CLECL1: variants seen among roughly 807,000 people sequenced by gnomAD.
CLECL1 encodes C-type lectin-like domain family 1.
upstream of CLECL1, chr12:9,733,247 G>T: frequency 6.2e-7 from 1 of 1,608,220 alleles, no homozygotes; most frequent in Non-Finnish European, 8.5e-7. Flanking sequence ...GTATGACATG[G>T]AAGAAATTAC....
chr12:9,712,081 C>G (rs959376148), downstream of CLECL1, among the ~76,000 whole-genome samples: 38 of 152,010 alleles, frequency 2.5e-4, no homozygotes, highest in Non-Finnish European at 1.6e-4. Flanking sequence ...AGTTTAAGAC[C>G]AGCTTGGGCA....
At chr12:9,707,305 G>A in the CLECL1 span, among the ~76,000 whole-genome samples, 1 of 152,054 alleles carries the variant, frequency 6.6e-6, no homozygotes. Flanking sequence ...AATTATGAAG[G>A]ATAAAGATTA....
exon 3 of CLECL1, chr12:9,716,051 T>A (rs2121036695): frequency 6.6e-6 from 1 of 152,420 alleles, no homozygotes; most frequent in Non-Finnish European, 1.5e-5. Flanking sequence ...TCATCCATCA[T>A]GTGTTCTTAG....
the CLECL1 span, among the ~76,000 whole-genome samples, chr12:9,703,069 C>T: frequency 1.3e-5 from 2 of 152,186 alleles, no homozygotes; most frequent in Non-Finnish European, 2.9e-5. Context: ...ACTACCTGAC[C>T]ATCATTCATT....
At chr12:9,704,387 G>A in the CLECL1 span, among the ~76,000 whole-genome samples, 1 of 152,142 alleles carries the variant, frequency 6.6e-6, no homozygotes. Context: ...GAGGAATAGG[G>A]ATTAAGTTAT....
chr12:9,732,452 CATTA>C (rs1481830252), intron 1 of CLECL1, among the ~76,000 whole-genome samples: 2 of 152,190 alleles, frequency 1.3e-5, no homozygotes, highest in African/African-American at 4.8e-5. Context: ...ATTACCTAGT[CATTA>C]ATTCTAGACT....
the CLECL1 span, among the ~76,000 whole-genome samples, chr12:9,707,574 T>G: frequency 6.6e-6 from 1 of 152,326 alleles, no homozygotes; most frequent in African/African-American, 2.4e-5. Context: ...AGCCTGCCTG[T>G]CTGTGTATGC....
downstream of CLECL1, among the ~76,000 whole-genome samples, chr12:9,712,391 C>T (rs1866206171): frequency 6.6e-6 from 1 of 152,204 alleles, no homozygotes; most frequent in African/African-American, 2.4e-5. Context: ...GATGAGGCTC[C>T]CATGTACTCC....
At chr12:9,732,806 T>C (rs1171651877) in intron 1 of CLECL1, 143 bp downstream of exon 1, 2 of 613,442 alleles carry the variant, frequency 3.3e-6, no homozygotes, top group Non-Finnish European at 5.3e-6. Context: ...ATTAAAAACA[T>C]TCGCTCTTAT....
chr12:9,728,154 A>G (rs115752892), intron 2 of CLECL1, among the ~76,000 whole-genome samples: 2 of 151,974 alleles, frequency 1.3e-5, no homozygotes, highest in African/African-American at 2.4e-5. Context: ...TTTTTCTGCA[A>G]CGAAGAAAAT....
At chr12:9,713,601 TC>T (rs1866214030), downstream of CLECL1, among the ~76,000 whole-genome samples, 1 of 152,188 alleles carries the variant, frequency 6.6e-6, no homozygotes, top group African/African-American at 2.4e-5. Flanking sequence ...TTCCCTCATT[TC>T]CCCCATTTGA....
chr12:9,729,847 G>A (rs1462746884), intron 1 of CLECL1, among the ~76,000 whole-genome samples: 2 of 151,838 alleles, frequency 1.3e-5, no homozygotes, highest in East Asian at 1.9e-4. Flanking sequence ...ACACATATGC[G>A]AGTATTCTCT....
chr12:9,730,850 C>T (rs1473589285), intron 1 of CLECL1, among the ~76,000 whole-genome samples: 2 of 151,974 alleles, frequency 1.3e-5, no homozygotes, highest in Non-Finnish European at 1.5e-5. Context: ...TCACCATGCT[C>T]GTTTTTAAAA....
the CLECL1 span, among the ~76,000 whole-genome samples, chr12:9,708,139 G>A: frequency 3.3e-5 from 5 of 152,154 alleles, no homozygotes; most frequent in African/African-American, 7.2e-5. Flanking sequence ...CTTACCTGCC[G>A]TGCCAATGGA....
chr12:9,721,330 T>C (rs1203554140), downstream of CLECL1, among the ~76,000 whole-genome samples: 1 of 152,226 alleles, frequency 6.6e-6, no homozygotes, highest in Non-Finnish European at 1.5e-5. Flanking sequence ...TTTATCTGTT[T>C]TTTACTTTTC....
chr12:9,728,651 T>G (rs1866409957), intron 2 of CLECL1, among the ~76,000 whole-genome samples: 1 of 151,910 alleles, frequency 6.6e-6, no homozygotes. Flanking sequence ...CAAGAAAATC[T>G]ATTGCCTTCT....
At chr12:9,723,966 T>C (rs148328541) in intron 3 of CLECL1, among the ~76,000 whole-genome samples, 3 of 152,066 alleles carry the variant, frequency 2.0e-5, no homozygotes, top group Admixed American at 6.6e-5. Context: ...GGCAAGCAGA[T>C]TGCTTGAGGT....
chr12:9,709,074 T>C, the CLECL1 span: 2 of 163,016 alleles, frequency 1.2e-5, no homozygotes, highest in Admixed American at 6.4e-5. Context: ...CACTTGGCAG[T>C]TGGAACTTTT....
chr12:9,726,717 G>C (rs914303988), intron 3 of CLECL1, among the ~76,000 whole-genome samples: 2 of 151,902 alleles, frequency 1.3e-5, no homozygotes, highest in Admixed American at 6.6e-5. Flanking sequence ...TATAACAATA[G>C]AATAAGGGTA....
Sources: gnomAD v4.1 joint callset for allele counts (sites outside exome capture counted in the v4.1 genomes callset) on GRCh38, gnomAD v4.1.1 for gene constraint, MANE v1.5 for transcripts, NCBI Gene and HGNC (gene_info 2026-07-23, HGNC 2026-07-21) for gene names.